The following PIK3CG variants were observed in gnomAD, a reference collection of about 807,000 sequenced individuals.
PIK3CG encodes phosphatidylinositol-4,5-bisphosphate 3-kinase catalytic subunit gamma, also known as phosphatidylinositol 4,5-bisphosphate 3-kinase catalytic subunit gamma isoform.
PIK3CG carries 55 observed loss-of-function variants against 102.3 expected under a neutral mutation model. That is an observed-to-expected ratio of 0.54 (90% CI 0.43 to 0.67). The LOEUF (loss-of-function observed/expected upper bound fraction) is 0.67, where lower values mean the gene tolerates loss of function less well. Among genes scored for constraint, PIK3CG ranks in the 30% least tolerant of loss-of-function variants. The pLI, the probability that PIK3CG is intolerant of heterozygous loss-of-function variation, is 0.00. For missense variants in PIK3CG, 1,258 were observed against 1,391.8 expected (o/e 0.90, Z 1.53); for synonymous variants, 552 against 540.0 (o/e 1.02, Z -0.31).
In PIK3CG at chr7:106,882,221, T is replaced by A. The variant is rs1790962892; in HGVS notation, c.2629+14T>A. On this transcript the variant is annotated intron_variant, in intron 7 of 10. Coordinates refer to ENST00000496166, the MANE Select transcript of PIK3CG (RefSeq NM_001282426.2). ...GTGACAAAATAGGTATGTAGTTACC[T>A]CAGGAGATGAATAGACCTCTCAGCT... 7.3e-7 allele frequency: 1 copy of A among 1,370,602 alleles called. No homozygotes were observed. Among genetic ancestry groups the A allele is most frequent in the African/African-American group, 1.5e-5 (1 of 68,520 alleles). The allele number at this position is 1,370,602 out of a possible 1,614,324, so 84.9% of individuals were successfully genotyped here. A position where few individuals can be genotyped will look rare whatever the true frequency, so the allele number is the denominator to read the frequency against.
Position 106,868,135 on chromosome 7 carries a change from G to A in PIK3CG, c.574G>A (p.Asp192Asn), listed in dbSNP as rs796052174. The A allele has an allele frequency of 1.9e-6, 3 of 1,611,746 alleles. No individual in the cohort carries two copies. The East Asian group carries it at 6.7e-5, about 36-fold the overall frequency. ...TPRMAEVASR[D>N]PKLYAMHPWV... is the part of the protein sequence containing the mutation. ...GCGCATGGCGGAGGTGGCCAGCCGC[G>A]ACCCCAAGCTCTACGCCATGCACCC... The change falls in exon 2 of 11, where the codon GAC (aspartate) becomes AAC (asparagine). Residue 192 changes from aspartate (D) to asparagine (N), a missense_variant. Around this residue, in one of 2 missense-constraint regions of PIK3CG, gnomAD observed 832 missense variants for 787.5 expected, o/e 1.06. Transcript: ENST00000496166. This position sits in a 1 kb window ranked among gnomAD's most constrained non-coding sequence, Gnocchi z 6.2.
At chr7:106,866,227 T>C (rs1158103477) in intron 1 of PIK3CG, among the ~76,000 whole-genome samples, 1 of 152,360 alleles carries the variant, frequency 6.6e-6, no homozygotes, top group South Asian at 2.1e-4. Flanking sequence ...GTAAACGATA[T>C]TTTCTGAAAC....
At chr7:106,886,598 G>A (rs1333521600) in intron 10 of PIK3CG, among the ~76,000 whole-genome samples, 1 of 152,200 alleles carries the variant, frequency 6.6e-6, no homozygotes, top group Non-Finnish European at 1.5e-5. Flanking sequence ...CTTTCAGGAA[G>A]GGTGTCTGCT....
chr7:106,876,130 G>T (rs1178298898), intron 5 of PIK3CG, among the ~76,000 whole-genome samples: 1 of 150,910 alleles, frequency 6.6e-6, no homozygotes, highest in African/African-American at 2.4e-5. Flanking sequence ...TAGCCAGGAT[G>T]GTCTCGATCT....
rs773527399 is a variant in PIK3CG, at chr7:106,877,727, C to T, written c.2392-1792C>T. ...CTACACCTAGATTCTCTGTTCTGTT[C>T]CACTGATCTAAATGTCTGTCCTTAC... is the stretch of plus-strand genomic sequence containing the variant. On this transcript the variant is annotated intron_variant, in intron 5 of 10. Coordinates refer to ENST00000496166, the MANE Select transcript of PIK3CG (RefSeq NM_001282426.2). This position sits in a 1 kb window ranked among gnomAD's most constrained non-coding sequence, Gnocchi z 4.5. 2.0e-5 allele frequency among the ~76,000 whole-genome samples: 3 copies of T among 152,150 alleles called. No individual in the cohort carries two copies. The highest frequency in any genetic ancestry group is 2.9e-5 in the Non-Finnish European group (2 of 68,022).
Position 106,868,202 on chromosome 7 carries a change from A to C in PIK3CG, c.641A>C (p.Lys214Thr), listed in dbSNP as rs2116433396. ...SKPLPEYLWK[K>T]IANNCIFIVI... ...CCCCTCCCGGAGTACCTGTGGAAGA[A>C]GATTGCCAACAACTGCATCTTCATC... is the stretch of plus-strand genomic sequence containing the variant. Residue 214 changes from lysine (K) to threonine (T), a missense_variant, in exon 2 of 11, where the codon AAG becomes ACG. Lys to Thr is a moderately conservative substitution (Grantham distance 78). This residue lies in a region of PIK3CG where 832 missense variants were observed against 787.5 expected (regional missense o/e 1.06). Coordinates refer to ENST00000496166, the MANE Select transcript of PIK3CG (RefSeq NM_001282426.2). This position sits in a 1 kb window ranked among gnomAD's most constrained non-coding sequence, Gnocchi z 6.2. 6.2e-7 allele frequency: 1 copy of C among 1,612,370 alleles called. No individual in the cohort carries two copies. The highest frequency in any genetic ancestry group is 1.3e-5 in the African/African-American group (1 of 75,054).
At position 106,905,309 on chromosome 7, in the gene PIK3CG, C is replaced by G. The variant is rs774297947; in HGVS notation, c.3231C>G (p.Asp1077Glu). 11 of 1,614,046 alleles carry G rather than the reference C, an allele frequency of 6.8e-6. No homozygotes were observed. The highest frequency in any genetic ancestry group is 9.3e-6 in the Non-Finnish European group (11 of 1,179,978). Residue 1077 changes from aspartate to glutamate, a missense_variant, in exon 11 of 11, where the codon GAC (aspartate) becomes GAG (glutamate). Transcript: ENST00000496166. The surrounding 1 kb of genome is among the most constrained non-coding windows in gnomAD (Gnocchi z 5.6). ...YFLDQIEVCRDKGWTVQFNWF... is the reference protein window; with the variant it reads ...YFLDQIEVCREKGWTVQFNWF... ...TTGATCAGATCGAAGTTTGCAGAGA[C>G]AAAGGATGGACTGTGCAGTTTAATT...
chr7:106,877,800 T>A lies in PIK3CG; in HGVS notation c.2392-1719T>A, dbSNP rs1337336449. Among the ~76,000 whole-genome samples, 1 of 152,250 alleles carries A rather than the reference T, an allele frequency of 6.6e-6. No individual in the cohort carries two copies. Among genetic ancestry groups the A allele is most frequent in the Non-Finnish European group, 1.5e-5 (1 of 68,048 alleles). On this transcript the variant is annotated intron_variant, in intron 5 of 10. Transcript: ENST00000496166. The surrounding 1 kb of genome is among the most constrained non-coding windows in gnomAD (Gnocchi z 4.5). The stretch of plus-strand genomic sequence containing the variant: ...TATGTTTAAATAACAAAGCACTTCA[T>A]ATACGTGTGCTTATACAGGCAACAG...
At position 106,867,636 on chromosome 7, in the gene PIK3CG, G is replaced by A. The variant is rs1279668366; in HGVS notation, c.75G>A (p.Pro25=). 6.2e-7 allele frequency: 1 copy of A among 1,612,912 alleles called. No individual in the cohort carries two copies. Residue 25 remains proline (P), a synonymous_variant, in exon 2 of 11, where the codon CCG becomes CCA. Coordinates refer to ENST00000496166, the MANE Select transcript of PIK3CG (RefSeq NM_001282426.2). The surrounding 1 kb of genome is among the most constrained non-coding windows in gnomAD (Gnocchi z 5.1). The part of the protein sequence containing the change: ...DNCRRRRRMK[P]RSAAASLSSM... Reference sequence around the variant, plus strand: ...GCCGAAGGCGCCGGAGGATGAAGCCGCGCAGTGCTGCGGCCAGCCTGTCCT... The same window carrying A: ...GCCGAAGGCGCCGGAGGATGAAGCCACGCAGTGCTGCGGCCAGCCTGTCCT...
intron 10 of PIK3CG, among the ~76,000 whole-genome samples, chr7:106,904,303 G>A (rs970338148): frequency 2.0e-5 from 3 of 151,966 alleles, no homozygotes; most frequent in Non-Finnish European, 4.4e-5. Flanking sequence ...TTTATTATTT[G>A]AAATATATAT....
At chr7:106,878,712 T>C (rs1464465541) in intron 5 of PIK3CG, among the ~76,000 whole-genome samples, 1 of 152,180 alleles carries the variant, frequency 6.6e-6, no homozygotes, top group Non-Finnish European at 1.5e-5. Flanking sequence ...CGAAGCCACA[T>C]GAGAAGATGA....
chr7:106,869,339 T>A lies in PIK3CG; in HGVS notation c.1778T>A (p.Phe593Tyr), dbSNP rs1321096881. The change falls in exon 2 of 11, where the codon TTT becomes TAT. Residue 593 changes from phenylalanine to tyrosine, a missense_variant. Physicochemically the swap from Phe to Tyr is conservative, Grantham distance 22. Around this residue, in one of 2 missense-constraint regions of PIK3CG, gnomAD observed 832 missense variants for 787.5 expected, o/e 1.06. Transcript: ENST00000496166. This position sits in a 1 kb window ranked among gnomAD's most constrained non-coding sequence, Gnocchi z 5.3. ...CACCCAAAAGCATATCCTAAGCTAT[T>A]TAGTTCAGTGAAATGGGGACAGCAA... ...LKHPKAYPKL[F>Y]SSVKWGQQEI... The A allele has an allele frequency of 1.9e-6, 3 of 1,614,218 alleles. No individual in the cohort carries two copies. The South Asian group carries it at 3.3e-5, about 18-fold the overall frequency.
Position 106,872,234 on chromosome 7 carries a change from A to T in PIK3CG, c.1996-303A>T, listed in dbSNP as rs1010877531. On this transcript the variant is annotated intron_variant, in intron 2 of 10. Transcript: ENST00000496166. This position sits in a 1 kb window ranked among gnomAD's most constrained non-coding sequence, Gnocchi z 5.3. ...CCTCCAACAAAACCAGTAAGACCTA[A>T]TTAGAGCAAATTCCCTCACCTCTTC... 2.6e-5 allele frequency among the ~76,000 whole-genome samples: 4 copies of T among 152,168 alleles called. No individual in the cohort carries two copies. The highest frequency in any genetic ancestry group is 9.7e-5 in the African/African-American group (4 of 41,428).
At position 106,892,780 on chromosome 7, in the gene PIK3CG, G is replaced by A. The variant is rs1351143174; in HGVS notation, c.3030+6488G>A. ...AAAAGGGCTATTCAGAGAAGCATGTGTTTTTCTCAGGCCTTAAGGGATGAA... is the reference window on the plus strand; with the variant it reads ...AAAAGGGCTATTCAGAGAAGCATGTATTTTTCTCAGGCCTTAAGGGATGAA... On this transcript the variant is annotated intron_variant, in intron 10 of 10. Transcript: ENST00000496166. This position sits in a 1 kb window ranked among gnomAD's most constrained non-coding sequence, Gnocchi z 5.2. Among the ~76,000 whole-genome samples the A allele has an allele frequency of 6.6e-6, 1 of 152,146 alleles. No homozygotes were observed. Among genetic ancestry groups the A allele is most frequent in the African/African-American group, 2.4e-5 (1 of 41,436 alleles).
rs2116528932 is a variant in PIK3CG at position 106,880,281 on chromosome 7, G to A, written c.2538+616G>A. On this transcript the variant is annotated intron_variant, in intron 6 of 10. Coordinates refer to ENST00000496166, the MANE Select transcript of PIK3CG (RefSeq NM_001282426.2). This position sits in a 1 kb window ranked among gnomAD's most constrained non-coding sequence, Gnocchi z 4.2. The stretch of plus-strand genomic sequence containing the variant: ...ATATTCTCCAGATTCTAGTTGGTCA[G>A]TGTTGTAGAGGTAATAATTTCTAAT... Among the ~76,000 whole-genome samples, 1 of 152,344 alleles carries A rather than the reference G, an allele frequency of 6.6e-6. No homozygotes were observed.
At chr7:106,878,022 T>C (rs1274399693) in intron 5 of PIK3CG, among the ~76,000 whole-genome samples, 6 of 152,246 alleles carry the variant, frequency 3.9e-5, no homozygotes, top group Admixed American at 1.3e-4. Flanking sequence ...TATTGCCTTA[T>C]ATCGGTCCAC....
At chr7:106,889,233 G>C (rs919573644) in intron 10 of PIK3CG, among the ~76,000 whole-genome samples, 2 of 151,878 alleles carry the variant, frequency 1.3e-5, no homozygotes, top group Non-Finnish European at 2.9e-5. Context: ...TTCACAACAG[G>C]AAAAAAACCT....
chr7:106,875,913 T>TTG (rs1183830327), intron 5 of PIK3CG, among the ~76,000 whole-genome samples: 3 of 147,926 alleles, frequency 2.0e-5, no homozygotes, highest in East Asian at 1.9e-4. Context: ...TTTTTTGTTT[T>TTG]TTTTTTTTTT....
chr7:106,888,687 G>GGAGTA (rs1391639127), intron 10 of PIK3CG, among the ~76,000 whole-genome samples: 1 of 152,186 alleles, frequency 6.6e-6, no homozygotes, highest in Non-Finnish European at 1.5e-5. Flanking sequence ...TCCGTGTTTT[G>GGAGTA]GAGTACTGTT....
Sources: allele counts gnomAD v4.1 joint callset (sites outside exome capture counted in the v4.1 genomes callset), GRCh38; gene constraint gnomAD v4.1.1; regional missense constraint gnomAD v4.1.1; non-coding constraint Gnocchi (gnomAD v3.1); transcripts MANE v1.5; gene names NCBI Gene and HGNC (gene_info 2026-07-23, HGNC 2026-07-21).